Variants in ATP13A3 observed in about 807,000 individuals in gnomAD.
The protein encoded by ATP13A3 is ATPase 13A3, also known as polyamine-transporting ATPase 13A3.
Under a neutral mutation model 158.1 loss-of-function variants are expected in ATP13A3, and 59 were observed. The observed-to-expected ratio is 0.37, with a 90% CI of 0.30 to 0.46. The LOEUF is 0.46. ATP13A3 is among the 20% of genes least tolerant of loss of function. The probability of loss-of-function intolerance (pLI) is 1.00; values close to 1 mark genes in which losing one functional copy is unlikely to be tolerated. For synonymous variants in ATP13A3, 491 were observed against 504.3 expected (o/e 0.97, Z 0.35); for missense variants, 1,166 against 1,525.2 (o/e 0.76, Z 3.92).
chr3:194,422,275 T>C (rs1000434458), intron 30 of ATP13A3, among the ~76,000 whole-genome samples: 39 of 152,190 alleles, frequency 2.6e-4, no homozygotes, highest in African/African-American at 8.7e-4. Context: ...TAGAGAGGTA[T>C]GAATTTCTTG....
intron 3 of ATP13A3, 147 bp downstream of exon 3, chr3:194,461,993 C>T (rs1305425901): frequency 1.4e-6 from 1 of 712,136 alleles, no homozygotes; most frequent in Non-Finnish European, 2.4e-6. Flanking sequence ...TACACAATCC[C>T]AATTCAAAAG....
chr3:194,410,862 T>C (rs1209630396), intron 33 of ATP13A3, among the ~76,000 whole-genome samples: 1 of 121,886 alleles, frequency 8.2e-6, no homozygotes, highest in African/African-American at 3.1e-5. Context: ...GTTGATTACA[T>C]AAGCCAAAGA....
intron 2 of ATP13A3, among the ~76,000 whole-genome samples, chr3:194,475,087 T>C (rs146083451): frequency 1.1e-4 from 17 of 152,050 alleles, no homozygotes; most frequent in African/African-American, 3.6e-4. Context: ...GGGAATAATA[T>C]AGGAATAGGG....
At position 194,461,502 on chromosome 3, in the gene ATP13A3, C is replaced by T. The variant is rs144841997; in HGVS notation, c.51+638G>A. On this transcript the variant is annotated intron_variant, in intron 3 of 33. Transcript: ENST00000645319. Reference sequence around the variant, plus strand: ...AAATGATTTACTAATTGTCCCAATACCACTGCGACTAATCAATTTGATCCA... The same window carrying T: ...AAATGATTTACTAATTGTCCCAATATCACTGCGACTAATCAATTTGATCCA... 4.3e-3 allele frequency among the ~76,000 whole-genome samples: 653 copies of T among 152,296 alleles called. 6 individuals are homozygous for T. Among genetic ancestry groups the T allele is most frequent in the Middle Eastern group, 0.01 (3 of 294 alleles).
chr3:194,447,885 A>G lies in ATP13A3; in HGVS notation c.1275T>C (p.Phe425=). The G allele has an allele frequency of 6.2e-7, 1 of 1,611,730 alleles. No homozygotes were observed. Among genetic ancestry groups the G allele is most frequent in the South Asian group, 1.1e-5 (1 of 91,000 alleles). ...LCLVAVAGIG[F]IYTIINSILN... is the part of the protein sequence containing the mutation. The stretch of plus-strand genomic sequence containing the variant: ...AAATGCTATTAATAATAGTGTAGAT[A>G]AACCCAATGCCAGCAACTGCCACAA... The change falls in exon 13 of 34, where the codon TTT becomes TTC. Residue 425 remains phenylalanine, a synonymous_variant. Coordinates refer to ENST00000645319, the MANE Select transcript of ATP13A3 (RefSeq NM_001367549.1).
chr3:194,421,395 C>A (rs1471385191), intron 30 of ATP13A3, among the ~76,000 whole-genome samples: 1 of 147,986 alleles, frequency 6.8e-6, no homozygotes, highest in African/African-American at 2.5e-5. Flanking sequence ...CTACTAAAAA[C>A]ACAAAAAATT....
At chr3:194,467,114 T>A (rs1371713653) in intron 2 of ATP13A3, among the ~76,000 whole-genome samples, 1 of 152,210 alleles carries the variant, frequency 6.6e-6, no homozygotes, top group East Asian at 1.9e-4. Flanking sequence ...AAATCCAAAT[T>A]TTTCAATGTA....
Position 194,417,939 on chromosome 3 carries a change from T to C in ATP13A3, c.3402+1940A>G, listed in dbSNP as rs1360199327. On this transcript the variant is annotated intron_variant, in intron 31 of 33. Coordinates refer to ENST00000645319, the MANE Select transcript of ATP13A3 (RefSeq NM_001367549.1). ...TCATACCACTGCACTGCAGCGTGGG[T>C]GACAGACAGACGGACGGACGGAAGG... is the stretch of plus-strand genomic sequence containing the variant. Among the ~76,000 whole-genome samples the C allele has an allele frequency of 6.6e-5, 8 of 121,592 alleles. No homozygotes were observed. The East Asian group carries it at 2.0e-3, about 31-fold the overall frequency. The allele number at this position is 121,592 out of a possible 152,430, so 79.8% of individuals were successfully genotyped here.
chr3:194,455,273 T>C (rs1023799834), intron 8 of ATP13A3, among the ~76,000 whole-genome samples: 1 of 152,162 alleles, frequency 6.6e-6, no homozygotes, highest in Non-Finnish European at 1.5e-5. Flanking sequence ...CCCACCCAAA[T>C]GTCATGGTAT....
In ATP13A3 at chr3:194,406,118, T is replaced by C. The variant is rs1714910164; in HGVS notation, c.3574-2A>G. ...TTTTCCCCACCGATCCACTGACTCC[T>C]AAGAAAATAAGAAAAAAACAAAACA... On this transcript the variant is annotated splice_acceptor_variant, in intron 33 of 33. Transcript: ENST00000645319. LOFTEE classifies it high-confidence loss of function. 1 of 1,613,246 alleles carries C rather than the reference T, an allele frequency of 6.2e-7. No individual in the cohort carries two copies. Among genetic ancestry groups the C allele is most frequent in the Non-Finnish European group, 8.5e-7 (1 of 1,179,834 alleles).
At chr3:194,490,109 A>C (rs1180453766), upstream of ATP13A3, among the ~76,000 whole-genome samples, 2 of 151,624 alleles carry the variant, frequency 1.3e-5, no homozygotes, top group Admixed American at 1.3e-4. This position sits in a 1 kb window ranked among gnomAD's most constrained non-coding sequence, Gnocchi z 4.4. Context: ...CATCCTCAAA[A>C]CCCCCATCTT....
At chr3:194,426,590 T>C (rs1196760864) in intron 29 of ATP13A3, among the ~76,000 whole-genome samples, 1 of 152,188 alleles carries the variant, frequency 6.6e-6, no homozygotes, top group Admixed American at 6.5e-5. Flanking sequence ...AAGATCCCCA[T>C]TTTGGTAGGA....
chr3:194,445,980 C>A (rs1718374329), intron 14 of ATP13A3, among the ~76,000 whole-genome samples: 1 of 152,122 alleles, frequency 6.6e-6, no homozygotes, highest in Admixed American at 6.5e-5. Context: ...AACATACACA[C>A]TTACAAGCAA....
Position 194,448,458 on chromosome 3 carries a change from T to C in ATP13A3, c.1149A>G (p.Thr383=), listed in dbSNP as rs761890822. 19 of 1,612,778 alleles carry C rather than the reference T, an allele frequency of 1.2e-5. No individual in the cohort carries two copies. Among genetic ancestry groups the C allele is most frequent in the Non-Finnish European group, 1.5e-5 (18 of 1,178,934 alleles). Residue 383 remains threonine (T), a splice_region_variant and synonymous_variant, in exon 12 of 34, where the codon ACA becomes ACG. Coordinates refer to ENST00000645319, the MANE Select transcript of ATP13A3 (RefSeq NM_001367549.1). This position sits in a 1 kb window ranked among gnomAD's most constrained non-coding sequence, Gnocchi z 4.0. ...GELVKAIVVR[T]GFSTSKGQLV... ...GAGATTAATTAAGATGTTTCCTACC[T>C]GTTCTAACAACTATGGCTTTGACGA... is the stretch of plus-strand genomic sequence containing the variant.
rs534704705 is a variant in ATP13A3, at chr3:194,450,180, T to C, written c.935A>G (p.Asn312Ser). 1.4e-5 allele frequency: 22 copies of C among 1,613,898 alleles called. No individual in the cohort carries two copies. The highest frequency in any genetic ancestry group is 8.3e-5 in the Admixed American group (5 of 60,000). ...TIMPCDAVLINGTCIVNESML... is the reference protein window; with the variant it reads ...TIMPCDAVLISGTCIVNESML... ...GCTTTCGTTTACAATGCAGGTACCATTAATAAGCACAGCATCACAAGGCAT... is the reference window on the plus strand; with the variant it reads ...GCTTTCGTTTACAATGCAGGTACCACTAATAAGCACAGCATCACAAGGCAT... Residue 312 changes from asparagine (N) to serine (S), a missense_variant, in exon 11 of 34, where the codon AAT becomes AGT. Asn to Ser is a conservative substitution (Grantham distance 46, BLOSUM62 1). Transcript: ENST00000645319.
intron 13 of ATP13A3, 90 bp downstream of exon 13, chr3:194,447,762 T>G: frequency 8.3e-7 from 1 of 1,207,760 alleles, no homozygotes; most frequent in Non-Finnish European, 1.2e-6. Context: ...TTTTAGTTCC[T>G]CATTCTCAGT....
rs1269331820 is a variant in ATP13A3 at position 194,412,204 on chromosome 3, G to C, written c.3568C>G (p.Pro1190Ala). Residue 1190 changes from proline (P) to alanine (A), a missense_variant, in exon 33 of 34, where the codon CCG becomes GCG. Coordinates refer to ENST00000645319, the MANE Select transcript of ATP13A3 (RefSeq NM_001367549.1). ...AGGAAGTGCTGAGTTCCAACCTGCG[G>C]TGGCTGTGTGGTGCTGAACCGATAC... ...GEYRFSTTQP[P>A]QESVDRWGKC... The C allele has an allele frequency of 6.5e-7, 1 of 1,536,182 alleles. No homozygotes were observed. Among genetic ancestry groups the C allele is most frequent in the Non-Finnish European group, 8.7e-7 (1 of 1,146,828 alleles).
intron 33 of ATP13A3, among the ~76,000 whole-genome samples, chr3:194,407,127 AATAAAT>A (rs1362500809): frequency 6.6e-6 from 1 of 152,094 alleles, no homozygotes; most frequent in African/African-American, 2.4e-5. Context: ...TGAAATTTGA[AATAAAT>A]ATAAATGACT....
chr3:194,425,970 G>A (rs904426800), intron 29 of ATP13A3, among the ~76,000 whole-genome samples: 4 of 152,064 alleles, frequency 2.6e-5, no homozygotes, highest in Non-Finnish European at 4.4e-5. Context: ...GCGAGTCCCC[G>A]GTGCTGAGAT....
Sources: allele counts gnomAD v4.1 joint callset (sites outside exome capture counted in the v4.1 genomes callset), GRCh38; gene constraint gnomAD v4.1.1; non-coding constraint Gnocchi (gnomAD v3.1); transcripts MANE v1.5; gene names NCBI Gene and HGNC (gene_info 2026-07-23, HGNC 2026-07-21).